Variants in TTLL2 observed in about 807,000 individuals in gnomAD.
TTLL2 encodes the protein tubulin tyrosine ligase like 2, also known as probable tubulin polyglutamylase TTLL2.
TTLL2 carries 10 observed loss-of-function variants against 7.5 expected under a neutral mutation model. The observed-to-expected ratio is 1.33, with a 90% CI of 0.82 to 2.25. TTLL2 has a LOEUF of 2.25. Among genes scored for constraint, TTLL2 ranks in the 30% most tolerant of loss-of-function variants. TTLL2 has a pLI of 0.00. For missense variants in TTLL2, 733 were observed against 735.7 expected (o/e 1.00, Z 0.04); for synonymous variants, 284 against 280.3 (o/e 1.01, Z -0.13).
rs538614083 is a variant in TTLL2, at chr6:167,327,706, G to GAA, written c.47+2488_47+2489dup. ...TGAAGGAAACCATATTCGCACAAGA[G>GAA]AAACGGAAACATACAGGTTATGTAT... On this transcript the variant is annotated intron_variant, in intron 1 of 2. Coordinates refer to ENST00000239587, the MANE Select transcript of TTLL2 (RefSeq NM_031949.5). Among the ~76,000 whole-genome samples the GAA allele has an allele frequency of 1.4e-4, 21 of 152,282 alleles. No homozygotes were observed. The East Asian group carries it at 3.7e-3, about 27-fold the overall frequency.
intron 1 of TTLL2, among the ~76,000 whole-genome samples, chr6:167,326,538 T>C (rs554198297): frequency 6.6e-6 from 1 of 152,110 alleles, no homozygotes; most frequent in Non-Finnish European, 1.5e-5. Flanking sequence ...ATGGCTTCAA[T>C]GACCTAGAAC....
chr6:167,340,533 C>A lies in TTLL2; in HGVS notation c.633C>A (p.Cys211Ter), dbSNP rs1436769164. ...MLGTKHSYWI[C>*]KPAELSRGRG... is the part of the protein sequence containing the mutation. ...GCACCAAGCATAGCTATTGGATTTG[C>A]AAGCCTGCTGAGTTATCTCGTGGGA... is the stretch of plus-strand genomic sequence containing the variant. The change falls in exon 3 of 3, where the codon TGC becomes TGA. Residue 211 changes from cysteine to a stop codon, truncating the protein, a stop_gained. Coordinates refer to ENST00000239587, the MANE Select transcript of TTLL2 (RefSeq NM_031949.5). LOFTEE classifies it low-confidence loss of function (END_TRUNC). The A allele has an allele frequency of 6.2e-7, 1 of 1,614,142 alleles. No individual in the cohort carries two copies. The highest frequency in any genetic ancestry group is 1.3e-5 in the African/African-American group (1 of 74,994).
At chr6:167,327,505 T>A (rs1270267042) in intron 1 of TTLL2, among the ~76,000 whole-genome samples, 1 of 152,174 alleles carries the variant, frequency 6.6e-6, no homozygotes, top group Non-Finnish European at 1.5e-5. Flanking sequence ...AGTGGGTTTG[T>A]GGTCTTGAGA....
At chr6:167,332,010 G>GTT (rs199539964) in intron 1 of TTLL2, among the ~76,000 whole-genome samples, 2 of 151,600 alleles carry the variant, frequency 1.3e-5, no homozygotes, top group African/African-American at 4.9e-5. Flanking sequence ...TTTGGCTGAA[G>GTT]TTTTTTTTTA....
intron 1 of TTLL2, among the ~76,000 whole-genome samples, chr6:167,329,778 T>G (rs1400981766): frequency 6.6e-6 from 1 of 152,154 alleles, no homozygotes; most frequent in African/African-American, 2.4e-5. Flanking sequence ...TGGTTTTATG[T>G]GTTATTTGTA....
intron 1 of TTLL2, among the ~76,000 whole-genome samples, chr6:167,330,567 C>CAA (rs67587383): frequency 0.022 from 3,269 of 148,974 alleles, 39 homozygotes; most frequent in Middle Eastern, 0.045. Flanking sequence ...CTCACAACAA[C>CAA]AAAAAAAAAG....
At chr6:167,335,325 G>A (rs927481522) in intron 1 of TTLL2, among the ~76,000 whole-genome samples, 21 of 151,236 alleles carry the variant, frequency 1.4e-4, no homozygotes, top group African/African-American at 4.9e-4. Context: ...GAAACAACAG[G>A]TGCTGGAGAG....
Position 167,340,612 on chromosome 6 carries a change from A to T in TTLL2, c.712A>T (p.Ile238Leu), listed in dbSNP as rs774932320. 6.2e-7 allele frequency: 1 copy of T among 1,614,126 alleles called. No homozygotes were observed. Among genetic ancestry groups the T allele is most frequent in the African/African-American group, 1.3e-5 (1 of 74,924 alleles). Residue 238 changes from isoleucine to leucine, a missense_variant, in exon 3 of 3, where the codon ATA becomes TTA. Coordinates refer to ENST00000239587, the MANE Select transcript of TTLL2 (RefSeq NM_031949.5). The stretch of plus-strand genomic sequence containing the variant: ...AGACTTCATCTTTGATGATATGTAC[A>T]TAGTGCAGAAATATATCTCCAATCC... ...FKDFIFDDMY[I>L]VQKYISNPLL... is the part of the protein sequence containing the mutation.
intron 1 of TTLL2, among the ~76,000 whole-genome samples, chr6:167,337,169 G>A (rs145959758): frequency 1.3e-5 from 2 of 152,366 alleles, no homozygotes; most frequent in East Asian, 3.9e-4. Flanking sequence ...CAGGATACAA[G>A]ACATCTGTGG....
intron 1 of TTLL2, among the ~76,000 whole-genome samples, chr6:167,337,867 A>C (rs1167484696): frequency 6.6e-6 from 1 of 151,490 alleles, no homozygotes; most frequent in African/African-American, 2.4e-5. Flanking sequence ...CACAACACAA[A>C]ATATACACAC....
At chr6:167,328,546 G>C (rs1211241808) in intron 1 of TTLL2, among the ~76,000 whole-genome samples, 1 of 152,208 alleles carries the variant, frequency 6.6e-6, no homozygotes, top group African/African-American at 2.4e-5. Flanking sequence ...CAAAGTGTCT[G>C]TCTGTTGGCT....
intron 1 of TTLL2, among the ~76,000 whole-genome samples, chr6:167,337,851 C>T (rs1038222604): frequency 6.6e-6 from 1 of 151,388 alleles, no homozygotes; most frequent in Admixed American, 6.6e-5. Flanking sequence ...TGCAACGCAC[C>T]ACACACACAA....
chr6:167,332,399 C>T (rs1287097483), intron 1 of TTLL2, among the ~76,000 whole-genome samples: 1 of 152,124 alleles, frequency 6.6e-6, no homozygotes, highest in East Asian at 1.9e-4. Context: ...AACCTTTAGA[C>T]CCAACTTATA....
chr6:167,337,196 T>G (rs1778997904), intron 1 of TTLL2, among the ~76,000 whole-genome samples: 2 of 152,206 alleles, frequency 1.3e-5, no homozygotes, highest in South Asian at 4.1e-4. Context: ...CAAAAGGACT[T>G]TGAGAAGAAA....
intron 2 of TTLL2, among the ~76,000 whole-genome samples, chr6:167,339,408 A>C (rs1269773333): frequency 2.0e-5 from 3 of 152,222 alleles, no homozygotes; most frequent in Non-Finnish European, 4.4e-5. Flanking sequence ...TCAAAAGAAT[A>C]TTTCAAATCT....
intron 1 of TTLL2, 108 bp from the exon 2 acceptor site, chr6:167,338,539 T>G: frequency 7.0e-7 from 1 of 1,422,568 alleles, no homozygotes; most frequent in African/African-American, 1.4e-5. Flanking sequence ...CTAGGACAAC[T>G]GAATTTTAAT....
At chr6:167,336,514 G>A (rs376234226) in intron 1 of TTLL2, among the ~76,000 whole-genome samples, 11 of 152,074 alleles carry the variant, frequency 7.2e-5, no homozygotes, top group African/African-American at 1.2e-4. Context: ...GCCATGGGTC[G>A]TGGGTGGCAT....
chr6:167,340,704 G>T lies in TTLL2; in HGVS notation c.804G>T (p.Leu268Phe), dbSNP rs370601211. ...TTTGTGTTACTGGCTTTAAGCCTTT[G>T]ACCATTTATGTTTATCAGGAAGGGT... ...IYVCVTGFKP[L>F]TIYVYQEGLV... The change falls in exon 3 of 3, where the codon TTG (leucine) becomes TTT (phenylalanine). Residue 268 changes from leucine to phenylalanine, a missense_variant. Leu to Phe is a conservative substitution (Grantham distance 22, BLOSUM62 0). Coordinates refer to ENST00000239587, the MANE Select transcript of TTLL2 (RefSeq NM_031949.5). 6.2e-7 allele frequency: 1 copy of T among 1,614,020 alleles called. No homozygotes were observed. Among genetic ancestry groups the T allele is most frequent in the African/African-American group, 1.3e-5 (1 of 74,886 alleles).
chr6:167,332,146 G>A (rs1038688547), intron 1 of TTLL2, among the ~76,000 whole-genome samples: 1 of 152,150 alleles, frequency 6.6e-6, no homozygotes, highest in African/African-American at 2.4e-5. Context: ...ACCCCACACT[G>A]CGTCCGGGTG....
Sources: allele counts gnomAD v4.1 joint callset (sites outside exome capture counted in the v4.1 genomes callset), GRCh38; gene constraint gnomAD v4.1.1; transcripts MANE v1.5; gene names NCBI Gene and HGNC (gene_info 2026-07-23, HGNC 2026-07-21).